SUGCT: variants seen among roughly 807,000 people sequenced by gnomAD.
SUGCT encodes the protein succinyl-CoA:glutarate CoA-transferase.
Under a neutral mutation model 55.0 loss-of-function variants are expected in SUGCT, and 41 were observed. The observed-to-expected ratio is 0.74, with a 90% confidence interval of 0.58 to 0.97. SUGCT has a LOEUF of 0.97. Ranked by LOEUF, SUGCT falls within the 50% of genes least tolerant of loss-of-function variation. SUGCT has a pLI of 0.00. For missense variants in SUGCT, 568 were observed against 547.8 expected, an observed-to-expected ratio of 1.04 and a Z score of -0.37; for synonymous variants, 187 against 200.4, an observed-to-expected ratio of 0.93 and a Z score of 0.56.
chr7:40,597,333 G>A (rs1798064551), intron 12 of SUGCT, among the ~76,000 whole-genome samples: 2 of 150,114 alleles, frequency 1.3e-5, no homozygotes, highest in South Asian at 4.2e-4. Context: ...GTTCAGATAA[G>A]TTTTTTTTTT....
chr7:40,690,672 G>A (rs1284035334), intron 12 of SUGCT, among the ~76,000 whole-genome samples: 1 of 151,972 alleles, frequency 6.6e-6, no homozygotes, highest in Non-Finnish European at 1.5e-5. Context: ...CGGCTCAGAT[G>A]ATCTTCCCAC....
chr7:41,012,503 CTA>C, the SUGCT span, among the ~76,000 whole-genome samples: 2 of 152,272 alleles, frequency 1.3e-5, no homozygotes, highest in African/African-American at 4.8e-5. Flanking sequence ...ATCAAAGAGA[CTA>C]TGTTACCTAA....
intron 12 of SUGCT, among the ~76,000 whole-genome samples, chr7:40,530,896 C>T (rs868821574): frequency 4.6e-5 from 7 of 152,088 alleles, no homozygotes; most frequent in East Asian, 1.9e-4. Context: ...GCACGTGAGA[C>T]GGAAGAGATA....
chr7:40,207,445 G>A (rs1375157379), intron 6 of SUGCT, among the ~76,000 whole-genome samples: 1 of 152,104 alleles, frequency 6.6e-6, no homozygotes, highest in African/African-American at 2.4e-5. Context: ...CAGAGAAATT[G>A]GTACCCTTGT....
At chr7:40,694,209 T>G (rs1420319169) in intron 12 of SUGCT, among the ~76,000 whole-genome samples, 1 of 152,216 alleles carries the variant, frequency 6.6e-6, no homozygotes, top group Non-Finnish European at 1.5e-5. Context: ...AAGATTGCCT[T>G]TAGTCCTAAA....
chr7:40,315,490 C>T (rs1795375880), intron 8 of SUGCT, among the ~76,000 whole-genome samples: 1 of 152,216 alleles, frequency 6.6e-6, no homozygotes, highest in African/African-American at 2.4e-5. Context: ...AAACCAGCTG[C>T]CACAGGCAGT....
intron 9 of SUGCT, among the ~76,000 whole-genome samples, chr7:40,391,132 T>C: frequency 6.6e-6 from 1 of 152,112 alleles, no homozygotes; most frequent in Non-Finnish European, 1.5e-5. Flanking sequence ...CAAAAATTAA[T>C]TCAAGATGGA....
chr7:40,518,036 G>A (rs1436986238), intron 12 of SUGCT, among the ~76,000 whole-genome samples: 1 of 152,130 alleles, frequency 6.6e-6, no homozygotes, highest in Non-Finnish European at 1.5e-5. Flanking sequence ...AGAGAATTTG[G>A]CGGGAGATTG....
intron 13 of SUGCT, among the ~76,000 whole-genome samples, chr7:40,772,543 T>TATCTATCTATC (rs1491474466): frequency 8.4e-4 from 126 of 150,328 alleles, no homozygotes; most frequent in Non-Finnish European, 1.3e-3. Flanking sequence ...TCTATCTATC[T>TATCTATCTATC]ATCTATCTAT....
chr7:40,853,331 T>C (rs1269911274), intron 13 of SUGCT, among the ~76,000 whole-genome samples: 2 of 152,152 alleles, frequency 1.3e-5, no homozygotes, highest in Admixed American at 1.3e-4. Context: ...TTTGTATTGA[T>C]TGACAGAGCA....
At chr7:41,031,271 T>A in the SUGCT span, among the ~76,000 whole-genome samples, 1 of 152,316 alleles carries the variant, frequency 6.6e-6, no homozygotes, top group Middle Eastern at 3.4e-3. Context: ...CCTGAAATGA[T>A]GGCCTGAAAT....
the SUGCT span, among the ~76,000 whole-genome samples, chr7:40,978,500 C>T: frequency 1.3e-5 from 2 of 152,058 alleles, no homozygotes; most frequent in African/African-American, 2.4e-5. Flanking sequence ...TCCCCGTGCT[C>T]ATGGGCCTCA....
intron 12 of SUGCT, chr7:40,499,054 T>C (rs1792141247): frequency 2.2e-6 from 1 of 456,584 alleles, no homozygotes. Flanking sequence ...GCTGCAGAGT[T>C]TCTTGGCGCT....
At chr7:40,854,449 TTTC>T (rs1794052397) in intron 13 of SUGCT, among the ~76,000 whole-genome samples, 1 of 147,132 alleles carries the variant, frequency 6.8e-6, no homozygotes, top group Middle Eastern at 3.5e-3. Flanking sequence ...TCTTTCTTTC[TTTC>T]TTTCTTTCTT....
In SUGCT at chr7:40,389,046, AT is replaced by A. The variant is rs1239969543; in HGVS notation, c.817-60238del. Among the ~76,000 whole-genome samples the A allele has an allele frequency of 1.3e-5, 2 of 152,224 alleles. 1 individual carries two copies. Among genetic ancestry groups the A allele is most frequent in the Non-Finnish European group, 2.9e-5 (2 of 68,040 alleles). ...TATTGTTTTAATATGTATCAAGATTATTTCTCTTTGTAAGAAAGAGTATTTG... is the reference window on the plus strand; with the variant it reads ...TATTGTTTTAATATGTATCAAGATTATTCTCTTTGTAAGAAAGAGTATTTG... On this transcript the variant is annotated intron_variant, in intron 9 of 13. Coordinates refer to ENST00000335693, the MANE Select transcript of SUGCT (RefSeq NM_001193313.2).
intron 9 of SUGCT, among the ~76,000 whole-genome samples, chr7:40,427,307 C>T (rs1463696638): frequency 2.0e-5 from 3 of 151,968 alleles, no homozygotes; most frequent in Non-Finnish European, 4.4e-5. Context: ...ATAAGATGGT[C>T]GTTATTTATA....
chr7:40,363,139 C>G (rs1460045033), intron 9 of SUGCT, among the ~76,000 whole-genome samples: 4 of 152,006 alleles, frequency 2.6e-5, no homozygotes, highest in African/African-American at 4.8e-5. Flanking sequence ...GTTTGTATTT[C>G]TGTGGGATCG....
chr7:40,284,807 C>G (rs1409950061), intron 8 of SUGCT, among the ~76,000 whole-genome samples: 2 of 151,864 alleles, frequency 1.3e-5, no homozygotes, highest in Non-Finnish European at 2.9e-5. Flanking sequence ...AAGTTAAAGA[C>G]AAACCAAAAA....
the SUGCT span, among the ~76,000 whole-genome samples, chr7:40,876,832 C>T: frequency 6.6e-6 from 1 of 152,132 alleles, no homozygotes; most frequent in South Asian, 2.1e-4. Flanking sequence ...CCACAGGTTC[C>T]TGCTGTGAAC....
Sources: allele counts gnomAD v4.1 joint callset (sites outside exome capture counted in the v4.1 genomes callset), GRCh38; gene constraint gnomAD v4.1.1; transcripts MANE v1.5; gene names NCBI Gene and HGNC (gene_info 2026-07-23, HGNC 2026-07-21).